The following ZMYND8 variants were observed in gnomAD, a reference collection of about 807,000 sequenced individuals.
ZMYND8 encodes MYND-type zinc finger-containing chromatin reader ZMYND8.
Under a neutral mutation model 140.8 loss-of-function variants are expected in ZMYND8, and 37 were observed. The ratio of observed to expected loss-of-function variants is 0.26; its 90% CI spans 0.20 to 0.35. The LOEUF (loss-of-function observed/expected upper bound fraction) is 0.35. ZMYND8 is among the 10% of genes least tolerant of loss of function. The pLI is 1.00. For missense variants in ZMYND8, 1,068 were observed against 1,570.0 expected (o/e 0.68, Z 5.40); for synonymous variants, 592 against 597.1 (o/e 0.99, Z 0.12).
At chr20:47,302,916 C>T (rs1285172956) in intron 3 of ZMYND8, among the ~76,000 whole-genome samples, 1 of 152,234 alleles carries the variant, frequency 6.6e-6, no homozygotes, top group Non-Finnish European at 1.5e-5. Context: ...GTACTGGTGA[C>T]ACTGGGGGCC....
rs755503823 is a variant in ZMYND8, at chr20:47,212,630, G to A, written c.3568+12C>T. On this transcript the variant is annotated intron_variant, in intron 22 of 22. Coordinates refer to ENST00000471951, the MANE Select transcript of ZMYND8 (RefSeq NM_001281775.3). ...AGCCCCGGCAGCTTTCGTAAGACAGGTTCATACTTACACTTCTGGGCGGGG... is the reference window on the plus strand; with the variant it reads ...AGCCCCGGCAGCTTTCGTAAGACAGATTCATACTTACACTTCTGGGCGGGG... 1 of 1,613,680 alleles carries A rather than the reference G, an allele frequency of 6.2e-7. No homozygotes were observed. The highest frequency in any genetic ancestry group is 1.1e-5 in the South Asian group (1 of 91,062).
rs1050699445 is a variant in ZMYND8 at position 47,290,013 on chromosome 20, G to A, written c.748+174C>T. Among the ~76,000 whole-genome samples, 3 of 152,192 alleles carry A rather than the reference G, an allele frequency of 2.0e-5. No individual in the cohort carries two copies. In the East Asian group the frequency reaches 5.8e-4, roughly 29 times the overall value. ...CATGCAGCTGCAAGCCACTTTAGAT[G>A]TCAGCTCATACCTTAAAATGAACTT... is the stretch of plus-strand genomic sequence containing the variant. On this transcript the variant is annotated intron_variant, in intron 7 of 22. Transcript: ENST00000471951.
intron 12 of ZMYND8, among the ~76,000 whole-genome samples, chr20:47,255,594 GTA>G (rs1284777204): frequency 1.2e-3 from 153 of 124,288 alleles, no homozygotes; most frequent in South Asian, 5.0e-3. Context: ...GTGTGTGTGT[GTA>G]TATATATATA....
At chr20:47,342,846 C>CAAAAA (rs1041501318) in intron 2 of ZMYND8, among the ~76,000 whole-genome samples, 15 of 74,980 alleles carry the variant, frequency 2.0e-4, no homozygotes, top group African/African-American at 5.6e-4. Flanking sequence ...GACTACATCT[C>CAAAAA]AAAAAAAAAA....
intron 15 of ZMYND8, 143 bp downstream of exon 15, chr20:47,238,615 T>A: frequency 7.2e-7 from 1 of 1,395,320 alleles, no homozygotes; most frequent in Non-Finnish European, 9.6e-7. Flanking sequence ...TAATGCCAAA[T>A]GGAATGTGCA....
chr20:47,316,707 A>G (rs2079426054), intron 2 of ZMYND8, among the ~76,000 whole-genome samples: 1 of 151,634 alleles, frequency 6.6e-6, no homozygotes, highest in Non-Finnish European at 1.5e-5. Flanking sequence ...AGGCAGGAAA[A>G]TTGCTTGAAC....
chr20:47,347,801 G>T, intron 2 of ZMYND8, 55 bp downstream of exon 2: 1 of 1,585,432 alleles, frequency 6.3e-7, no homozygotes, highest in Non-Finnish European at 8.6e-7. Flanking sequence ...ACAACAAAAA[G>T]AAATTCCAAT....
chr20:47,349,106 AAGAC>A (rs1365362732), intron 1 of ZMYND8: 5 of 152,242 alleles, frequency 3.3e-5, no homozygotes, highest in Admixed American at 6.5e-5. Flanking sequence ...AAGGCCCAAA[AAGAC>A]AGCCTCATGT....
In ZMYND8 at chr20:47,221,481, A is replaced by C; in HGVS notation, c.3257-7T>G. ...TCCTGCTGAGGAGCAGTAGCTGGGG[A>C]CAAAGGAGAGAGAGAGACGCCACAT... On this transcript the variant is annotated splice_region_variant and splice_polypyrimidine_tract_variant and intron_variant, in intron 19 of 22. Transcript: ENST00000471951. 1.9e-6 allele frequency: 3 copies of C among 1,613,488 alleles called. No homozygotes were observed. Among genetic ancestry groups the C allele is most frequent in the Non-Finnish European group, 1.7e-6 (2 of 1,179,848 alleles).
intron 12 of ZMYND8, among the ~76,000 whole-genome samples, chr20:47,252,894 G>A (rs1568998833): frequency 6.6e-6 from 1 of 152,162 alleles, no homozygotes; most frequent in Admixed American, 6.5e-5. Flanking sequence ...ACTCCAGACT[G>A]GGCAAAAGAG....
rs564108682 is a variant in ZMYND8 at position 47,284,198 on chromosome 20, C to T, written c.805-550G>A. ...TCAGCCTCCCAAACTGCTAGGATTA[C>T]AGGTGTGAGCCACCATGCCCAACCC... On this transcript the variant is annotated intron_variant, in intron 8 of 22. Transcript: ENST00000471951. Among the ~76,000 whole-genome samples, 17 of 152,326 alleles carry T rather than the reference C, an allele frequency of 1.1e-4. No individual in the cohort carries two copies. In the South Asian group the frequency reaches 3.3e-3, roughly 30 times the overall value.
Position 47,348,030 on chromosome 20 carries a change from C to T in ZMYND8, c.15-104G>A, listed in dbSNP as rs151110499. ...CAACAAACACACCTTAAAGACATTC[C>T]CTCATCCTTATCCAGGGCTGGGGGA... On this transcript the variant is annotated intron_variant, in intron 1 of 22. Transcript: ENST00000471951. 278 of 1,099,286 alleles carry T rather than the reference C, an allele frequency of 2.5e-4. 2 individuals carry two copies. The African/African-American group carries it at 3.9e-3, about 15-fold the overall frequency. 68.1% of individuals were successfully genotyped at this position (1,099,286 alleles called of 1,614,324 possible).
chr20:47,220,263 C>A lies in ZMYND8; in HGVS notation c.3479G>T (p.Gly1160Val). 6.4e-7 allele frequency: 1 copy of A among 1,561,908 alleles called. No individual in the cohort carries two copies. Among genetic ancestry groups the A allele is most frequent in the Non-Finnish European group, 8.7e-7 (1 of 1,152,150 alleles). The part of the protein sequence containing the change: ...PSSILLGSNQ[G>V]SVSKRCDKQP... ...CCCACCAGGGGGCAACATACCAGAG[C>A]CTTGGTTGGAGCCTAAGAGAATGGA... Residue 1160 changes from glycine (G) to valine (V), a missense_variant, in exon 21 of 23, where the codon GGC (glycine) becomes GTC (valine). By Grantham distance (109) the Gly-to-Val change is moderately radical. Around this residue, in one of 10 missense-constraint regions of ZMYND8, gnomAD observed 180 missense variants for 187.8 expected, o/e 0.96. Coordinates refer to ENST00000471951, the MANE Select transcript of ZMYND8 (RefSeq NM_001281775.3).
intron 21 of ZMYND8, among the ~76,000 whole-genome samples, chr20:47,214,352 G>A (rs1042643221): frequency 6.6e-6 from 1 of 152,180 alleles, no homozygotes; most frequent in South Asian, 2.1e-4. Flanking sequence ...CCTCCCTGCA[G>A]CTTCTCACTC....
intron 2 of ZMYND8, among the ~76,000 whole-genome samples, chr20:47,332,645 G>A (rs1343934936): frequency 1.3e-5 from 2 of 152,182 alleles, no homozygotes; most frequent in African/African-American, 4.8e-5. Context: ...AGAAGTTCAT[G>A]GCTGCAGTGA....
intron 2 of ZMYND8, among the ~76,000 whole-genome samples, chr20:47,331,480 G>C (rs1428646103): frequency 6.6e-6 from 1 of 152,206 alleles, no homozygotes; most frequent in East Asian, 1.9e-4. Context: ...AGGGAGGTCA[G>C]GTAGGCAGCT....
chr20:47,314,323 A>C (rs1312360385), intron 2 of ZMYND8, among the ~76,000 whole-genome samples: 5 of 152,032 alleles, frequency 3.3e-5, no homozygotes, highest in Non-Finnish European at 7.4e-5. Flanking sequence ...AGATGGTAAA[A>C]TCCTGTCTCT....
chr20:47,327,753 C>T (rs1302714095), intron 2 of ZMYND8, among the ~76,000 whole-genome samples: 1 of 152,196 alleles, frequency 6.6e-6, no homozygotes, highest in Non-Finnish European at 1.5e-5. Context: ...ACTCCAGAAT[C>T]CCTGTTTGCC....
chr20:47,302,933 G>GT (rs2078177446), intron 3 of ZMYND8, among the ~76,000 whole-genome samples: 1 of 152,174 alleles, frequency 6.6e-6, no homozygotes, highest in Admixed American at 6.5e-5. Flanking sequence ...GGCCAGAAAA[G>GT]TATTTGTTGT....
Sources: allele counts gnomAD v4.1 joint callset (sites outside exome capture counted in the v4.1 genomes callset), GRCh38; gene constraint gnomAD v4.1.1; regional missense constraint gnomAD v4.1.1; transcripts MANE v1.5; gene names NCBI Gene and HGNC (gene_info 2026-07-23, HGNC 2026-07-21).